Variants in FYB2 observed in about 807,000 individuals in gnomAD.
The protein encoded by FYB2 is FYN-binding protein 2.
In FYB2, 103 loss-of-function variants were observed where a neutral mutation model predicts 94.1. The observed-to-expected ratio is 1.09, with a 90% confidence interval of 0.93 to 1.29. The LOEUF (loss-of-function observed/expected upper bound fraction) is 1.29. FYB2 is among the 50% of genes most tolerant of loss of function. The probability of loss-of-function intolerance (pLI) is 0.00; values close to 1 mark genes in which losing one functional copy is unlikely to be tolerated. For synonymous variants in FYB2, 293 were observed against 287.9 expected (o/e 1.02, Z -0.18); for missense variants, 896 against 841.5 (o/e 1.06, Z -0.80).
chr1:56,768,668 C>T (rs539054029), intron 4 of FYB2, among the ~76,000 whole-genome samples: 4 of 152,270 alleles, frequency 2.6e-5, no homozygotes, highest in South Asian at 2.1e-4. Flanking sequence ...CCACAATCCA[C>T]GGCACCTGTA....
At chr1:56,780,976 C>G (rs1645995409) in intron 4 of FYB2, among the ~76,000 whole-genome samples, 1 of 152,158 alleles carries the variant, frequency 6.6e-6, no homozygotes, top group South Asian at 2.1e-4. Flanking sequence ...CAATTTATCC[C>G]AGCGTGCTGG....
chr1:56,729,449 C>T (rs1356857168), intron 15 of FYB2, among the ~76,000 whole-genome samples: 1 of 152,010 alleles, frequency 6.6e-6, no homozygotes, highest in Non-Finnish European at 1.5e-5. Context: ...CAGTCACCAA[C>T]ATAGAGATCA....
chr1:56,721,969 A>T (rs1644493138), intron 17 of FYB2, among the ~76,000 whole-genome samples: 1 of 152,080 alleles, frequency 6.6e-6, no homozygotes, highest in Admixed American at 6.6e-5. Context: ...AAAATTATTG[A>T]AATGGCCTAT....
chr1:56,743,170 T>A (rs555830025), intron 11 of FYB2, among the ~76,000 whole-genome samples: 1 of 152,160 alleles, frequency 6.6e-6, no homozygotes, highest in East Asian at 2.0e-4. Flanking sequence ...GTACTTCTCC[T>A]AATTGAAATT....
At chr1:56,732,948 A>G (rs1644743456) in intron 15 of FYB2, among the ~76,000 whole-genome samples, 1 of 152,136 alleles carries the variant, frequency 6.6e-6, no homozygotes, top group Non-Finnish European at 1.5e-5. Context: ...CTAAGACCTC[A>G]GTAGCACAAG....
At chr1:56,736,230 G>C (rs913717986) in intron 15 of FYB2, among the ~76,000 whole-genome samples, 9 of 152,022 alleles carry the variant, frequency 5.9e-5, no homozygotes, top group Non-Finnish European at 1.3e-4. Flanking sequence ...AAAAGTATCT[G>C]TTGGATTTAA....
At chr1:56,719,928 A>G (rs1015813406) in intron 19 of FYB2, 94 bp downstream of exon 19, 1 of 1,317,732 alleles carries the variant, frequency 7.6e-7, no homozygotes, top group Non-Finnish European at 1.0e-6. Context: ...ACTTATCCTG[A>G]ATTTCAATAA....
intron 6 of FYB2, among the ~76,000 whole-genome samples, chr1:56,756,884 A>G (rs991643177): frequency 6.6e-6 from 1 of 152,116 alleles, no homozygotes; most frequent in African/African-American, 2.4e-5. Flanking sequence ...GTGACAGTAG[A>G]AAAAAAGGGA....
Position 56,792,207 on chromosome 1 carries a change from G to T in FYB2, c.606C>A (p.Ala202=), listed in dbSNP as rs760735743. 1.9e-6 allele frequency: 3 copies of T among 1,613,894 alleles called. No individual in the cohort carries two copies. The highest frequency in any genetic ancestry group is 2.5e-6 in the Non-Finnish European group (3 of 1,179,948). Reference sequence around the variant, plus strand: ...CAGAGACGTTATGTAATATTTTGGGGGCCACCACGTGCTTCTGGGAAGGAA... The same window carrying T: ...CAGAGACGTTATGTAATATTTTGGGTGCCACCACGTGCTTCTGGGAAGGAA... ...QTLPSQKHVV[A]PKILHNVSED... The change falls in exon 2 of 20, where the codon GCC becomes GCA. Residue 202 remains alanine (A), a synonymous_variant. Coordinates refer to ENST00000343433, the MANE Select transcript of FYB2 (RefSeq NM_001004303.5).
At chr1:56,768,036 T>A in intron 4 of FYB2, 98 bp from the exon 5 acceptor site, 1 of 858,250 alleles carries the variant, frequency 1.2e-6, no homozygotes, top group Non-Finnish European at 1.8e-6. Context: ...TATGTGTGTC[T>A]GGCCAATATG....
intron 2 of FYB2, among the ~76,000 whole-genome samples, chr1:56,789,998 A>G (rs981016600): frequency 1.3e-5 from 2 of 152,218 alleles, no homozygotes; most frequent in African/African-American, 2.4e-5. Context: ...GAAAGTTCCA[A>G]TTTTACATAT....
intron 6 of FYB2, 22 bp downstream of exon 6, chr1:56,758,694 T>G: frequency 6.4e-7 from 1 of 1,564,960 alleles, no homozygotes. Context: ...TTAGTTACAA[T>G]GTTGGTAAGG....
rs932006073 is a variant in FYB2 at position 56,726,387 on chromosome 1, A to G, written c.1880+110T>C. 11 of 919,308 alleles carry G rather than the reference A, an allele frequency of 1.2e-5. No homozygotes were observed. In the African/African-American group the frequency reaches 1.8e-4, roughly 15 times the overall value. The allele number at this position is 919,308 out of a possible 1,614,324, so 56.9% of individuals were successfully genotyped here. Reference sequence around the variant, plus strand: ...GTAGGTGTTGTTATTCTCATCTTGTAGATGAAACAGCTGAGAATCAAATTT... The same window carrying G: ...GTAGGTGTTGTTATTCTCATCTTGTGGATGAAACAGCTGAGAATCAAATTT... On this transcript the variant is annotated intron_variant, in intron 16 of 19. Transcript: ENST00000343433.
At chr1:56,755,294 C>T (rs1283750092) in intron 7 of FYB2, among the ~76,000 whole-genome samples, 4 of 152,050 alleles carry the variant, frequency 2.6e-5, no homozygotes, top group Admixed American at 6.5e-5. Context: ...TAGCAAACTA[C>T]ATACAGTGGC....
chr1:56,786,406 T>C (rs1194923399), intron 4 of FYB2, among the ~76,000 whole-genome samples: 4 of 152,234 alleles, frequency 2.6e-5, no homozygotes, highest in Admixed American at 2.6e-4. Context: ...TCCTTTCCTC[T>C]ATTACAAAAC....
chr1:56,826,314 C>T, the FYB2 span, among the ~76,000 whole-genome samples: 2 of 152,198 alleles, frequency 1.3e-5, no homozygotes, highest in East Asian at 3.9e-4. Flanking sequence ...CATGACACTC[C>T]ACCATGGAAA....
At chr1:56,815,449 G>A (rs975412702) in intron 1 of FYB2, among the ~76,000 whole-genome samples, 1 of 152,110 alleles carries the variant, frequency 6.6e-6, no homozygotes, top group South Asian at 2.1e-4. Context: ...CGGCAAAGCT[G>A]AACAACTAGA....
intron 1 of FYB2, among the ~76,000 whole-genome samples, chr1:56,805,027 T>C (rs1646610518): frequency 2.0e-5 from 3 of 152,302 alleles, no homozygotes; most frequent in South Asian, 4.1e-4. Flanking sequence ...AATGTATTCA[T>C]CTTTTGAGAT....
chr1:56,752,067 A>G (rs1306862456), intron 8 of FYB2, among the ~76,000 whole-genome samples: 2 of 151,976 alleles, frequency 1.3e-5, no homozygotes, highest in East Asian at 3.9e-4. Flanking sequence ...GATTTGGGGA[A>G]GTGTTTGTGT....
Sources: allele counts gnomAD v4.1 joint callset (sites outside exome capture counted in the v4.1 genomes callset), GRCh38; gene constraint gnomAD v4.1.1; transcripts MANE v1.5; gene names NCBI Gene and HGNC (gene_info 2026-07-23, HGNC 2026-07-21).